Variants in TANC2 observed in about 807,000 individuals in gnomAD.
TANC2 encodes tetratricopeptide repeat, ankyrin repeat and coiled-coil containing 2.
In TANC2, 26 loss-of-function variants were observed where a neutral mutation model predicts 210.5. That is an observed-to-expected ratio of 0.12 (90% CI 0.09 to 0.17). The LOEUF (loss-of-function observed/expected upper bound fraction) is 0.17, where lower values mean the gene tolerates loss of function less well. TANC2 is among the 10% of genes least tolerant of loss of function. The pLI is 1.00. For missense variants in TANC2, 2,129 were observed against 2,608.9 expected (o/e 0.82, Z 4.01); for synonymous variants, 931 against 967.1 (o/e 0.96, Z 0.69).
intron 4 of TANC2, among the ~76,000 whole-genome samples, chr17:63,143,591 T>A (rs1190740002): frequency 1.3e-5 from 2 of 152,214 alleles, no homozygotes; most frequent in Admixed American, 6.5e-5. Flanking sequence ...ATATATTTGT[T>A]ATAATACATG....
At chr17:63,011,660 C>G (rs1331153908) in intron 2 of TANC2, among the ~76,000 whole-genome samples, 1 of 152,056 alleles carries the variant, frequency 6.6e-6, no homozygotes, top group East Asian at 1.9e-4. Context: ...CTTTTTAAAA[C>G]CACTATGAAA....
intron 1 of TANC2, among the ~76,000 whole-genome samples, chr17:62,996,791 T>TA (rs2143652927): frequency 6.6e-6 from 1 of 151,472 alleles, no homozygotes; most frequent in East Asian, 1.9e-4. Context: ...TTTCAGCAGA[T>TA]ATTCACTAAA....
At position 63,418,504 on chromosome 17, in the gene TANC2, A is replaced by T; in HGVS notation, c.4268+97A>T. 3 of 1,044,250 alleles carry T rather than the reference A, an allele frequency of 2.9e-6. No homozygotes were observed. The highest frequency in any genetic ancestry group is 1.5e-5 in the South Asian group (1 of 67,670). 64.7% of individuals were successfully genotyped at this position (1,044,250 alleles called of 1,614,324 possible). ...CCCTGGGGCATATGTACCCAAATAC[A>T]TCTCTGTCCTTGAGAACTGTCAGGG... is the stretch of plus-strand genomic sequence containing the variant. On this transcript the variant is annotated intron_variant, in intron 27 of 27. Transcript: ENST00000689528. This position sits in a 1 kb window ranked among gnomAD's most constrained non-coding sequence, Gnocchi z 4.6.
At chr17:63,376,969 C>T (rs1344660917) in intron 14 of TANC2, among the ~76,000 whole-genome samples, 1 of 152,116 alleles carries the variant, frequency 6.6e-6, no homozygotes, top group Non-Finnish European at 1.5e-5. Context: ...AGGTGCCCAC[C>T]ACCATGCCCA....
At chr17:63,282,653 T>C (rs2044095050) in intron 9 of TANC2, among the ~76,000 whole-genome samples, 1 of 152,128 alleles carries the variant, frequency 6.6e-6, no homozygotes, top group Non-Finnish European at 1.5e-5. Context: ...TCACTATCCA[T>C]GTATGAGAGT....
At chr17:63,242,971 C>G (rs1279832146) in intron 8 of TANC2, among the ~76,000 whole-genome samples, 1 of 152,118 alleles carries the variant, frequency 6.6e-6, no homozygotes, top group Non-Finnish European at 1.5e-5. Flanking sequence ...ATACTGCGAC[C>G]ATCTACAAGT....
chr17:63,315,296 A>G (rs955011503), intron 10 of TANC2, among the ~76,000 whole-genome samples: 1 of 152,108 alleles, frequency 6.6e-6, no homozygotes, highest in Non-Finnish European at 1.5e-5. Flanking sequence ...TTTTACAAAT[A>G]TTAATTCATC....
chr17:63,227,802 C>T (rs1010266714), intron 7 of TANC2, among the ~76,000 whole-genome samples: 16 of 152,060 alleles, frequency 1.1e-4, no homozygotes, highest in African/African-American at 3.9e-4. Context: ...GGAAGGGGTC[C>T]AGTTTTAGTT....
intron 5 of TANC2, among the ~76,000 whole-genome samples, chr17:63,180,302 G>A (rs1018673736): frequency 1.3e-5 from 2 of 152,184 alleles, no homozygotes; most frequent in Admixed American, 6.5e-5. Flanking sequence ...CTGAAAGCAC[G>A]AGTATGAATT....
intron 12 of TANC2, among the ~76,000 whole-genome samples, chr17:63,344,121 G>T (rs1598900883): frequency 1.3e-5 from 2 of 152,202 alleles, no homozygotes; most frequent in Non-Finnish European, 2.9e-5. Flanking sequence ...CCTTCTGTCA[G>T]ATCAGCTGCA....
intron 8 of TANC2, among the ~76,000 whole-genome samples, chr17:63,255,106 T>TA (rs2043155588): frequency 2.1e-5 from 3 of 141,638 alleles, no homozygotes; most frequent in African/African-American, 3.0e-5. Context: ...TTTATTTATT[T>TA]TTATTTATTT....
chr17:63,043,310 T>C (rs1204445503), intron 2 of TANC2, among the ~76,000 whole-genome samples: 1 of 152,098 alleles, frequency 6.6e-6, no homozygotes, highest in African/African-American at 2.4e-5. Flanking sequence ...CAGTAATTGA[T>C]GTACAGATAA....
At chr17:62,996,324 C>T (rs1051073857) in intron 1 of TANC2, among the ~76,000 whole-genome samples, 1 of 152,210 alleles carries the variant, frequency 6.6e-6, no homozygotes, top group Admixed American at 6.5e-5. Flanking sequence ...AAAAACCTCA[C>T]TTAGGAGTAC....
Position 63,412,632 on chromosome 17 carries a change from AT to A in TANC2, c.3899-39del, listed in dbSNP as rs754472783. On this transcript the variant is annotated intron_variant, in intron 23 of 27. Transcript: ENST00000689528. The surrounding 1 kb of genome is among the most constrained non-coding windows in gnomAD (Gnocchi z 4.2). ...CTTTTTTTTTTTTTCACCTTCATCC[AT>A]TTTTTTTTCCTCTCCTACAACTTTT... The A allele has an allele frequency of 1.9e-4, 254 of 1,370,720 alleles. 1 individual carries two copies. Among genetic ancestry groups the A allele is most frequent in the Admixed American group, 2.2e-4 (9 of 40,172 alleles). The allele number at this position is 1,370,720 out of a possible 1,614,324, so 84.9% of individuals were successfully genotyped here. A position where few individuals can be genotyped will look rare whatever the true frequency, so the allele number is the denominator to read the frequency against.
chr17:63,419,466 G>C (rs2048959718), intron 27 of TANC2, among the ~76,000 whole-genome samples: 1 of 152,234 alleles, frequency 6.6e-6, no homozygotes, highest in Non-Finnish European at 1.5e-5. Context: ...CACTTTGATA[G>C]AGCAAATGGA....
At chr17:63,380,286 T>C (rs963608386) in intron 15 of TANC2, among the ~76,000 whole-genome samples, 3 of 152,160 alleles carry the variant, frequency 2.0e-5, no homozygotes, top group Non-Finnish European at 4.4e-5. Flanking sequence ...CCCCCAAATC[T>C]CTCTTCAAAT....
intron 8 of TANC2, among the ~76,000 whole-genome samples, chr17:63,243,767 A>G (rs552530854): frequency 3.3e-5 from 5 of 152,344 alleles, no homozygotes; most frequent in Admixed American, 6.5e-5. Flanking sequence ...CAAAAAGTCC[A>G]TGGAAAACAT....
intron 1 of TANC2, chr17:63,004,562 G>C (rs1226128762): frequency 2.5e-5 from 4 of 158,362 alleles, no homozygotes; most frequent in African/African-American, 1.0e-4. Flanking sequence ...AAGCAACAAT[G>C]AAGTGTTCTG....
chr17:63,088,075 G>A (rs867295495), intron 3 of TANC2: 10 of 152,090 alleles, frequency 6.6e-5, no homozygotes, highest in South Asian at 4.1e-4. Flanking sequence ...TAGGGTATGC[G>A]TACTCCATCT....
Sources: gnomAD v4.1 joint callset for allele counts (sites outside exome capture counted in the v4.1 genomes callset) on GRCh38, gnomAD v4.1.1 for gene constraint, Gnocchi (gnomAD v3.1) non-coding constraint, MANE v1.5 for transcripts, NCBI Gene and HGNC (gene_info 2026-07-23, HGNC 2026-07-21) for gene names.